The following LRP1B variants were observed in gnomAD, a reference collection of about 807,000 sequenced individuals.
The protein encoded by LRP1B is LDL receptor related protein 1B, also known as low-density lipoprotein receptor-related protein 1B.
In LRP1B, 217 loss-of-function variants were observed where a neutral mutation model predicts 556.6. That is an observed-to-expected ratio of 0.39 (90% CI 0.35 to 0.44). The LOEUF is 0.44. Among genes scored for constraint, LRP1B ranks in the 20% least tolerant of loss-of-function variants. The pLI, the probability that LRP1B is intolerant of heterozygous loss-of-function variation, is 1.00. For missense variants in LRP1B, 5,053 were observed against 5,620.8 expected (o/e 0.90, Z 3.23); for synonymous variants, 2,047 against 1,865.8 (o/e 1.10, Z -2.50).
At chr2:141,565,003 T>C (rs1230027201) in intron 2 of LRP1B, among the ~76,000 whole-genome samples, 1 of 152,166 alleles carries the variant, frequency 6.6e-6, no homozygotes, top group East Asian at 1.9e-4. Context: ...TATTCAATAA[T>C]GTTTTGGGCA....
At chr2:141,010,499 T>C (rs1320157847) in intron 14 of LRP1B, among the ~76,000 whole-genome samples, 1 of 152,048 alleles carries the variant, frequency 6.6e-6, no homozygotes, top group Non-Finnish European at 1.5e-5. Flanking sequence ...TTCACTGGTA[T>C]ATTCCAAGTA....
intron 86 of LRP1B, among the ~76,000 whole-genome samples, chr2:140,250,134 G>A (rs1408291165): frequency 2.0e-5 from 3 of 151,742 alleles, no homozygotes; most frequent in Non-Finnish European, 2.9e-5. Context: ...ACCCTGCTAG[G>A]CAATCTTTTC....
At position 140,700,357 on chromosome 2, in the gene LRP1B, T is replaced by C. The variant is rs1316491918; in HGVS notation, c.6692A>G (p.Tyr2231Cys). 1 of 1,613,274 alleles carries C rather than the reference T, an allele frequency of 6.2e-7. No homozygotes were observed. Among genetic ancestry groups the C allele is most frequent in the Non-Finnish European group, 8.5e-7 (1 of 1,179,614 alleles). ...FKNVIALAFDYNQRRKGTNRI... is the reference protein window; with the variant it reads ...FKNVIALAFDCNQRRKGTNRI... Reference sequence around the variant, plus strand: ...GTTGGTACCTTTTCTTCTTTGATTATAGTCAAAAGCCAAGGCTATGACATT... The same window carrying C: ...GTTGGTACCTTTTCTTCTTTGATTACAGTCAAAAGCCAAGGCTATGACATT... Residue 2231 changes from tyrosine (Y) to cysteine (C), a missense_variant, in exon 41 of 91, where the codon TAT becomes TGT. Physicochemically the swap from Tyr to Cys is radical, Grantham distance 194. Coordinates refer to ENST00000389484, the MANE Select transcript of LRP1B (RefSeq NM_018557.3).
At chr2:141,028,076 G>A (rs1057253782) in intron 11 of LRP1B, among the ~76,000 whole-genome samples, 4 of 152,064 alleles carry the variant, frequency 2.6e-5, no homozygotes, top group African/African-American at 7.2e-5. Flanking sequence ...GTACTATTTT[G>A]CAAATTCTTG....
chr2:141,769,497 T>G (rs1306396783), intron 2 of LRP1B, among the ~76,000 whole-genome samples: 2 of 152,142 alleles, frequency 1.3e-5, no homozygotes, highest in Non-Finnish European at 2.9e-5. Context: ...ACAGGTGTGG[T>G]GTTGGTTCGA....
At chr2:140,473,189 C>G (rs551259688) in intron 60 of LRP1B, among the ~76,000 whole-genome samples, 15 of 152,090 alleles carry the variant, frequency 9.9e-5, no homozygotes, top group South Asian at 6.2e-4. Context: ...TCATTAGTAA[C>G]TACCAGATAA....
intron 66 of LRP1B, among the ~76,000 whole-genome samples, chr2:140,426,809 T>C (rs1685677925): frequency 6.6e-6 from 1 of 152,162 alleles, no homozygotes; most frequent in South Asian, 2.1e-4. Flanking sequence ...TGAAATTTGG[T>C]GCCGTGACTC....
In LRP1B at chr2:140,728,951, C is replaced by A. The variant is rs1574289490; in HGVS notation, c.5759-12135G>T. ...AGCATTTAATAAGCATAATAAATAT[C>A]AACTATCATAAACTTTAAAATATAA... On this transcript the variant is annotated intron_variant, in intron 35 of 90. Coordinates refer to ENST00000389484, the MANE Select transcript of LRP1B (RefSeq NM_018557.3). Among the ~76,000 whole-genome samples, 3 of 151,908 alleles carry A rather than the reference C, an allele frequency of 2.0e-5. No individual in the cohort carries two copies. In the East Asian group the frequency reaches 5.8e-4, roughly 29 times the overall value.
intron 5 of LRP1B, among the ~76,000 whole-genome samples, chr2:141,243,556 C>T (rs1480891918): frequency 6.6e-6 from 1 of 152,082 alleles, no homozygotes; most frequent in Admixed American, 6.6e-5. Flanking sequence ...GTAACAAATG[C>T]TCTCATAAAA....
At chr2:140,693,065 C>A (rs1339700979) in intron 41 of LRP1B, among the ~76,000 whole-genome samples, 1 of 152,052 alleles carries the variant, frequency 6.6e-6, no homozygotes, top group African/African-American at 2.4e-5. Context: ...AATGTATAAT[C>A]AATTTACATA....
intron 7 of LRP1B, among the ~76,000 whole-genome samples, chr2:141,124,736 C>G (rs1701158607): frequency 1.3e-5 from 2 of 150,960 alleles, no homozygotes; most frequent in Admixed American, 6.6e-5. Flanking sequence ...CATTGAATCT[C>G]AAATTCAGCC....
intron 3 of LRP1B, among the ~76,000 whole-genome samples, chr2:141,324,002 C>A: frequency 1.4e-5 from 2 of 139,130 alleles, no homozygotes; most frequent in Non-Finnish European, 3.1e-5. Context: ...AAATCACACA[C>A]ACACACACAC....
intron 2 of LRP1B, among the ~76,000 whole-genome samples, chr2:141,605,781 T>C (rs1687897266): frequency 6.6e-6 from 1 of 152,218 alleles, no homozygotes; most frequent in Non-Finnish European, 1.5e-5. Flanking sequence ...TTGTTTTCCT[T>C]GAGTATCAAA....
chr2:140,720,841 C>T (rs972641154), intron 35 of LRP1B, among the ~76,000 whole-genome samples: 1 of 151,766 alleles, frequency 6.6e-6, no homozygotes, highest in Non-Finnish European at 1.5e-5. Context: ...TAAAAATATG[C>T]CAGGTAAAAT....
chr2:140,428,871 A>G (rs1227091599), intron 66 of LRP1B, among the ~76,000 whole-genome samples: 1 of 152,132 alleles, frequency 6.6e-6, no homozygotes, highest in Non-Finnish European at 1.5e-5. Flanking sequence ...TTTTTTAGTT[A>G]TCCCCACCTG....
At chr2:140,689,039 T>C (rs1686147394) in intron 41 of LRP1B, among the ~76,000 whole-genome samples, 1 of 152,240 alleles carries the variant, frequency 6.6e-6, no homozygotes. Context: ...CATCTAATCT[T>C]TGAAGTCCTA....
chr2:142,129,903 T>A (rs1707788158), intron 1 of LRP1B, among the ~76,000 whole-genome samples: 1 of 152,024 alleles, frequency 6.6e-6, no homozygotes, highest in Non-Finnish European at 1.5e-5. Flanking sequence ...TCTCCTCTGC[T>A]CCCCATATCC....
intron 41 of LRP1B, among the ~76,000 whole-genome samples, chr2:140,616,831 C>G (rs1169006514): frequency 6.6e-6 from 1 of 151,816 alleles, no homozygotes; most frequent in Non-Finnish European, 1.5e-5. Flanking sequence ...CCTTTGTTTA[C>G]ACTATCAGTT....
intron 79 of LRP1B, among the ~76,000 whole-genome samples, chr2:140,332,701 G>A (rs966953166): frequency 6.6e-6 from 1 of 151,898 alleles, no homozygotes; most frequent in Non-Finnish European, 1.5e-5. Context: ...GACTAGCCTC[G>A]ACCTGAAACA....
Sources: allele counts gnomAD v4.1 joint callset (sites outside exome capture counted in the v4.1 genomes callset), GRCh38; gene constraint gnomAD v4.1.1; transcripts MANE v1.5; gene names NCBI Gene and HGNC (gene_info 2026-07-23, HGNC 2026-07-21).